CENPE: variants seen among roughly 807,000 people sequenced by gnomAD.
CENPE encodes centromere-associated protein E.
In CENPE, 145 loss-of-function variants were observed where a neutral mutation model predicts 336.1. The observed-to-expected ratio is 0.43, with a 90% CI of 0.38 to 0.50. CENPE has a LOEUF of 0.50. Ranked by LOEUF, CENPE falls within the 20% of genes least tolerant of loss-of-function variation. The pLI is 0.00. For synonymous variants in CENPE, 1,013 were observed against 984.8 expected (o/e 1.03, Z -0.54); for missense variants, 2,719 against 3,023.3 (o/e 0.90, Z 2.36).
In CENPE at chr4:103,158,998, T is replaced by C; in HGVS notation, c.2601+12A>G. On this transcript the variant is annotated intron_variant, in intron 22 of 48. Coordinates refer to ENST00000265148, the MANE Select transcript of CENPE (RefSeq NM_001813.3). ...CTAAGGAGCATTTCTCAAAATAGCATCTTGTACCAACCTCGGTCTTCAAAG... is the reference window on the plus strand; with the variant it reads ...CTAAGGAGCATTTCTCAAAATAGCACCTTGTACCAACCTCGGTCTTCAAAG... The C allele has an allele frequency of 2.0e-6, 3 of 1,532,658 alleles. No individual in the cohort carries two copies. Among genetic ancestry groups the C allele is most frequent in the Non-Finnish European group, 2.6e-6 (3 of 1,147,050 alleles). 94.9% of individuals were successfully genotyped at this position (1,532,658 alleles called of 1,614,324 possible).
chr4:103,113,665 ATATT>A (rs959553990), intron 46 of CENPE, among the ~76,000 whole-genome samples: 4 of 146,162 alleles, frequency 2.7e-5, no homozygotes, highest in African/African-American at 1.0e-4. Context: ...ATATACTTAT[ATATT>A]TATTATGTAT....
chr4:103,116,350 A>G, intron 45 of CENPE: 1 of 281,674 alleles, frequency 3.6e-6, no homozygotes, highest in East Asian at 7.9e-5. Context: ...AGAAGTGTTC[A>G]AAGACACAGC....
Position 103,123,125 on chromosome 4 carries a change from C to T in CENPE, c.6925-36G>A, listed in dbSNP as rs771274633. 112 of 1,480,228 alleles carry T rather than the reference C, an allele frequency of 7.6e-5. No individual in the cohort carries two copies. In the South Asian group the frequency reaches 9.2e-4, roughly 12 times the overall value. The allele number at this position is 1,480,228 out of a possible 1,614,324, so 91.7% of individuals were successfully genotyped here. The stretch of plus-strand genomic sequence containing the variant: ...GTAAAATACCATTATAGCTCTAAAA[C>T]GATTTATAGTAGTCCCCACTTACCT... On this transcript the variant is annotated intron_variant, in intron 42 of 48. Transcript: ENST00000265148.
chr4:103,188,339 T>C (rs1374345988), intron 8 of CENPE, among the ~76,000 whole-genome samples: 1 of 152,188 alleles, frequency 6.6e-6, no homozygotes, highest in Admixed American at 6.5e-5. Context: ...CAACAGAATA[T>C]ACATTCTTCT....
chr4:103,158,163 G>A lies in CENPE; in HGVS notation c.3033+137C>T, dbSNP rs928642242. The A allele has an allele frequency of 3.3e-5, 20 of 612,480 alleles. No homozygotes were observed. In the Admixed American group the frequency reaches 7.0e-4, roughly 22 times the overall value. The allele number at this position is 612,480 out of a possible 1,614,324, so 37.9% of individuals were successfully genotyped here. A position where few individuals can be genotyped will look rare whatever the true frequency, so the allele number is the denominator to read the frequency against. On this transcript the variant is annotated intron_variant, in intron 24 of 48. Transcript: ENST00000265148. ...CATAAGTTATTTCAAAGGCATTAGGGATAAGCTTGTAAAATTATTGTTAGT... is the reference window on the plus strand; with the variant it reads ...CATAAGTTATTTCAAAGGCATTAGGAATAAGCTTGTAAAATTATTGTTAGT...
At chr4:103,151,149 A>G in intron 26 of CENPE, 70 bp downstream of exon 26, 1 of 1,434,762 alleles carries the variant, frequency 7.0e-7, no homozygotes. Flanking sequence ...TTAGGTCTAC[A>G]GAAATAAAAA....
chr4:103,141,673 G>T, intron 35 of CENPE, 77 bp downstream of exon 35: 1 of 1,051,302 alleles, frequency 9.5e-7, no homozygotes, highest in Non-Finnish European at 1.4e-6. Context: ...CAGTGTGGTT[G>T]AACCATTTTA....
intron 1 of CENPE, among the ~76,000 whole-genome samples, chr4:103,197,948 G>T (rs1388454742): frequency 6.6e-6 from 1 of 152,264 alleles, no homozygotes; most frequent in Non-Finnish European, 1.5e-5. Context: ...GGAAGGCACG[G>T]TCCCATACGA....
At chr4:103,170,818 T>C (rs1218077286) in intron 16 of CENPE, among the ~76,000 whole-genome samples, 29 of 152,052 alleles carry the variant, frequency 1.9e-4, no homozygotes, top group Admixed American at 1.8e-3. Flanking sequence ...AGGATACAAA[T>C]AGATGGAAAG....
intron 37 of CENPE, 53 bp from the exon 38 acceptor site, chr4:103,140,132 C>G: frequency 1.3e-6 from 2 of 1,486,652 alleles, no homozygotes; most frequent in East Asian, 4.5e-5. Flanking sequence ...TCAAGGAAGG[C>G]AAATAGTGTC....
Position 103,159,314 on chromosome 4 carries a change from T to G in CENPE, c.2297A>C (p.Lys766Thr), listed in dbSNP as rs372263654. Residue 766 changes from lysine to threonine, a missense_variant, in exon 22 of 49, where the codon AAA (lysine) becomes ACA (threonine). This residue lies in a region of CENPE where 2,437 missense variants were observed against 2,513.3 expected (regional missense o/e 0.97). Transcript: ENST00000265148. ...VERLRKEIQD[K>T]SEELHIITSE... ...TGTTATTATATGGAGCTCTTCAGAT[T>G]TGTCTTGTATCTATGGAAAAGAAAT... is the stretch of plus-strand genomic sequence containing the variant. 3.4e-6 allele frequency: 5 copies of G among 1,465,506 alleles called. No homozygotes were observed. The African/African-American group carries it at 7.3e-5, about 21-fold the overall frequency. The allele number at this position is 1,465,506 out of a possible 1,614,324, so 90.8% of individuals were successfully genotyped here.
intron 29 of CENPE, among the ~76,000 whole-genome samples, chr4:103,146,405 A>C (rs1215582704): frequency 6.6e-6 from 1 of 152,222 alleles, no homozygotes. Context: ...GTTGAATCTT[A>C]CCAAATAGAG....
chr4:103,134,728 T>C (rs992523572), intron 40 of CENPE, among the ~76,000 whole-genome samples: 2 of 152,028 alleles, frequency 1.3e-5, no homozygotes, highest in Non-Finnish European at 2.9e-5. Flanking sequence ...AAATGTCTCA[T>C]GGACTTCATG....
Position 103,120,173 on chromosome 4 carries a change from GT to G in CENPE, c.7303del (p.Thr2435GlnfsTer14). ...VHESNKCLEK[T>X]KETIQVLQDK... ...CTGAAGTACTTGAATTGTCTCTTTT[GT>G]TTTTTCAAGGCATTTATTTGATTCA... On this transcript the variant is annotated frameshift_variant, in exon 44 of 49. Transcript: ENST00000265148. LOFTEE classifies it high-confidence loss of function. 6.2e-7 allele frequency: 1 copy of G among 1,601,912 alleles called. No individual in the cohort carries two copies. Among genetic ancestry groups the G allele is most frequent in the South Asian group, 1.1e-5 (1 of 87,768 alleles).
At position 103,157,341 on chromosome 4, in the gene CENPE, G is replaced by A. The variant is rs950920479; in HGVS notation, c.3033+959C>T. 3.9e-5 allele frequency among the ~76,000 whole-genome samples: 6 copies of A among 151,988 alleles called. No homozygotes were observed. The East Asian group carries it at 5.8e-4, about 15-fold the overall frequency. On this transcript the variant is annotated intron_variant, in intron 24 of 48. Transcript: ENST00000265148. ...ACAGCCAATAATGGGTAGAAGCAAC[G>A]CAAGTGTCCATGATGGATGCATAGA...
chr4:103,166,026 T>G (rs974531966), intron 16 of CENPE, among the ~76,000 whole-genome samples: 1 of 152,124 alleles, frequency 6.6e-6, no homozygotes, highest in Non-Finnish European at 1.5e-5. Flanking sequence ...TTTCTCTGTG[T>G]TGACTCAATT....
At chr4:103,188,486 A>T (rs1356301172) in intron 8 of CENPE, among the ~76,000 whole-genome samples, 7 of 152,204 alleles carry the variant, frequency 4.6e-5, no homozygotes, top group Non-Finnish European at 8.8e-5. Flanking sequence ...GGATTAAGAA[A>T]CTCACTCAAA....
intron 24 of CENPE, among the ~76,000 whole-genome samples, chr4:103,156,025 A>G (rs1753932915): frequency 6.6e-6 from 1 of 152,202 alleles, no homozygotes; most frequent in Non-Finnish European, 1.5e-5. Context: ...AATACTAAGA[A>G]TAAACTTAAC....
chr4:103,151,524 T>C, intron 25 of CENPE, 147 bp from the exon 26 acceptor site: 1 of 578,756 alleles, frequency 1.7e-6, no homozygotes, highest in Non-Finnish European at 2.8e-6. Flanking sequence ...AAGAAAGTCC[T>C]TATTTTAATA....
Sources: allele counts gnomAD v4.1 joint callset (sites outside exome capture counted in the v4.1 genomes callset), GRCh38; gene constraint gnomAD v4.1.1; regional missense constraint gnomAD v4.1.1; transcripts MANE v1.5; gene names NCBI Gene and HGNC (gene_info 2026-07-23, HGNC 2026-07-21).